UVSSA: variants seen among roughly 807,000 people sequenced by gnomAD.
UVSSA encodes the protein UV stimulated scaffold protein A.
Under a neutral mutation model 73.9 loss-of-function variants are expected in UVSSA, and 72 were observed. That is an observed-to-expected ratio of 0.97 (90% CI 0.81 to 1.19). The LOEUF (loss-of-function observed/expected upper bound fraction) is 1.19. Among genes scored for constraint, UVSSA ranks in the 50% most tolerant of loss-of-function variants. The pLI is 0.00. For missense variants in UVSSA, 1,150 were observed against 965.0 expected (o/e 1.19, Z -2.54); for synonymous variants, 454 against 391.3 (o/e 1.16, Z -1.89).
chr4:1,363,573 T>C (rs1460082996), intron 7 of UVSSA, among the ~76,000 whole-genome samples: 1 of 152,204 alleles, frequency 6.6e-6, no homozygotes, highest in African/African-American at 2.4e-5. Context: ...AAATTCTGTT[T>C]AGTGTGTGAT....
rs3216721 is a variant in UVSSA at position 1,366,449 on chromosome 4, T to TG, written c.1288+26dup. On this transcript the variant is annotated intron_variant, in intron 8 of 13. Coordinates refer to ENST00000389851, the MANE Select transcript of UVSSA (RefSeq NM_020894.4). The stretch of plus-strand genomic sequence containing the variant: ...TGAGTATGGTGAGCAGTGGGTCCCG[T>TG]GGGGGGGGCACCTGGGTGGAGGGTC... The TG allele has an allele frequency of 6.9e-4, 1,085 of 1,563,354 alleles. No individual in the cohort carries two copies. Among genetic ancestry groups the TG allele is most frequent in the Admixed American group, 9.9e-4 (55 of 55,598 alleles).
At chr4:1,374,184 C>T (rs191739500) in intron 8 of UVSSA, among the ~76,000 whole-genome samples, 48 of 152,342 alleles carry the variant, frequency 3.2e-4, no homozygotes, top group Non-Finnish European at 6.5e-4. Context: ...TCCTGAGCCC[C>T]CCTGGCCGGC....
chr4:1,347,463 C>T lies in UVSSA; in HGVS notation c.-300C>T, dbSNP rs1713871775. 6.6e-6 allele frequency: 1 copy of T among 152,400 alleles called. No homozygotes were observed. The highest frequency in any genetic ancestry group is 2.0e-4 in the South Asian group (1 of 4,888). 9.4% of individuals were successfully genotyped at this position (152,400 alleles called of 1,614,324 possible). On this transcript the variant is annotated 5_prime_UTR_variant, in exon 1 of 14. Transcript: ENST00000389851. The stretch of plus-strand genomic sequence containing the variant: ...CGCTGTGCGAGAGCGACCCCGCGGT[C>T]CAAGCCTCGCGTGGCCCTGCCGGGC...
chr4:1,349,577 C>T lies in UVSSA; in HGVS notation c.152C>T (p.Thr51Ile), dbSNP rs1478730865. The T allele has an allele frequency of 6.2e-7, 1 of 1,614,040 alleles. No individual in the cohort carries two copies. The highest frequency in any genetic ancestry group is 1.7e-5 in the Admixed American group (1 of 60,024). ...RAYRLLIAQL[T>I]QEHAEIRLSA... ...TACCGCCTGCTGATAGCACAGCTGA[C>T]CCAGGAGCACGCCGAGATCCGTCTC... Residue 51 changes from threonine to isoleucine, a missense_variant, in exon 3 of 14, where the codon ACC becomes ATC. Coordinates refer to ENST00000389851, the MANE Select transcript of UVSSA (RefSeq NM_020894.4).
At chr4:1,365,000 G>T (rs115030081) in intron 7 of UVSSA, among the ~76,000 whole-genome samples, 2,335 of 152,292 alleles carry the variant, frequency 0.015, 70 homozygotes, top group African/African-American at 0.051. Context: ...CCTGTCCTGG[G>T]CCGTGGTGGG....
At chr4:1,352,399 G>A (rs1167322880) in intron 4 of UVSSA, among the ~76,000 whole-genome samples, 4 of 152,208 alleles carry the variant, frequency 2.6e-5, no homozygotes, top group South Asian at 2.1e-4. Context: ...CACTGGAAAC[G>A]CAGGCCTCAG....
upstream of UVSSA, among the ~76,000 whole-genome samples, chr4:1,346,683 C>T (rs1713732322): frequency 6.6e-6 from 1 of 151,852 alleles, no homozygotes; most frequent in Non-Finnish European, 1.5e-5. Context: ...GGCGGGGGCC[C>T]GCGCCCGCCC....
downstream of UVSSA, chr4:1,388,614 A>G (rs1488788987): frequency 6.6e-6 from 1 of 152,108 alleles, no homozygotes; most frequent in Non-Finnish European, 1.5e-5. Flanking sequence ...AGATGCTTCT[A>G]TCAGGTTGAA....
chr4:1,351,446 T>C (rs9992576), intron 3 of UVSSA, among the ~76,000 whole-genome samples: 94,177 of 148,974 alleles, frequency 0.63, 30,746 homozygotes, highest in African/African-American at 0.8. Context: ...AGTGCAGTGG[T>C]GCGATCTTGG....
Position 1,349,769 on chromosome 4 carries a change from G to C in UVSSA, c.344G>C (p.Arg115Pro), listed in dbSNP as rs752213549. ...CAGAGGCTGAGGCAGGCGACCACCCGGGCCGTGGAAGGGTGGAATGAGAAG... is the reference window on the plus strand; with the variant it reads ...CAGAGGCTGAGGCAGGCGACCACCCCGGCCGTGGAAGGGTGGAATGAGAAG... ...AAQRLRQATT[R>P]AVEGWNEKFG... is the part of the protein sequence containing the mutation. Residue 115 changes from arginine (R) to proline (P), a missense_variant, in exon 3 of 14, where the codon CGG becomes CCG. Arg to Pro is a moderately radical substitution (Grantham distance 103). Transcript: ENST00000389851. The C allele has an allele frequency of 1.9e-6, 3 of 1,608,560 alleles. No homozygotes were observed. The highest frequency in any genetic ancestry group is 1.7e-4 in the Middle Eastern group (1 of 6,042).
rs763842231 is a variant in UVSSA, at chr4:1,349,567, G to A, written c.142G>A (p.Ala48Thr). ...GAGCCGCGCCTACCGCCTGCTGATA[G>A]CACAGCTGACCCAGGAGCACGCCGA... ...QLSRAYRLLI[A>T]QLTQEHAEIR... is the part of the protein sequence containing the mutation. The change falls in exon 3 of 14, where the codon GCA becomes ACA. Residue 48 changes from alanine to threonine, a missense_variant. Ala to Thr is a moderately conservative substitution (Grantham distance 58). Transcript: ENST00000389851. 1 of 1,614,016 alleles carries A rather than the reference G, an allele frequency of 6.2e-7. No individual in the cohort carries two copies. The highest frequency in any genetic ancestry group is 1.3e-5 in the African/African-American group (1 of 75,070).
chr4:1,380,736 GC>G (rs1719379833), intron 11 of UVSSA, 143 bp from the exon 12 acceptor site: 1 of 1,553,364 alleles, frequency 6.4e-7, no homozygotes, highest in Non-Finnish European at 8.7e-7. Flanking sequence ...TCTGAGGGGC[GC>G]GTGATTCCAG....
At chr4:1,381,313 A>G (rs552255973) in intron 12 of UVSSA, among the ~76,000 whole-genome samples, 2 of 152,362 alleles carry the variant, frequency 1.3e-5, no homozygotes, top group East Asian at 3.9e-4. Flanking sequence ...AGGCAGGTGA[A>G]GGCCTTAAGG....
intron 5 of UVSSA, 50 bp downstream of exon 5, chr4:1,353,463 G>T: frequency 7.0e-7 from 1 of 1,437,854 alleles, no homozygotes. Context: ...CCGGCTCCCG[G>T]GTAGGCTCCT....
At chr4:1,352,970 A>T in intron 4 of UVSSA, 60 bp from the exon 5 acceptor site, 1 of 1,548,664 alleles carries the variant, frequency 6.5e-7, no homozygotes, top group Non-Finnish European at 8.7e-7. Context: ...TGTGGTTTTG[A>T]GTGGGCTGGT....
chr4:1,370,151 C>T (rs528304864), intron 8 of UVSSA, among the ~76,000 whole-genome samples: 2 of 152,196 alleles, frequency 1.3e-5, no homozygotes, highest in African/African-American at 2.4e-5. Flanking sequence ...AAATATATTT[C>T]ATTCTTGTAA....
intron 8 of UVSSA, among the ~76,000 whole-genome samples, chr4:1,373,854 CCAA>C (rs1718428736): frequency 6.6e-6 from 1 of 152,150 alleles, no homozygotes; most frequent in Non-Finnish European, 1.5e-5. Flanking sequence ...CCTCAGCCAC[CCAA>C]CAAGTCCTCT....
rs1720062953 is a variant in UVSSA, at chr4:1,385,890, G to A, written c.2059G>A (p.Ala687Thr). The change falls in exon 14 of 14, where the codon GCA (alanine) becomes ACA (threonine). Residue 687 changes from alanine (A) to threonine (T), a missense_variant. Transcript: ENST00000389851. The stretch of plus-strand genomic sequence containing the variant: ...CAGGGCAGCTGTGCGGAGGGTAGTG[G>A]CAGCCATGAACCGGATGGACCAGAA... ...FAKAAVRRVV[A>T]AMNRMDQKKH... 2 of 1,614,078 alleles carry A rather than the reference G, an allele frequency of 1.2e-6. No homozygotes were observed. Among genetic ancestry groups the A allele is most frequent in the Non-Finnish European group, 1.7e-6 (2 of 1,180,018 alleles).
At chr4:1,346,766 G>C (rs1713744942), upstream of UVSSA, among the ~76,000 whole-genome samples, 1 of 152,090 alleles carries the variant, frequency 6.6e-6, no homozygotes, top group South Asian at 2.1e-4. Context: ...GCGTGGCGTT[G>C]AGGCCCAGAC....
Sources: allele counts gnomAD v4.1 joint callset (sites outside exome capture counted in the v4.1 genomes callset), GRCh38; gene constraint gnomAD v4.1.1; transcripts MANE v1.5; gene names NCBI Gene and HGNC (gene_info 2026-07-23, HGNC 2026-07-21).